Variants in WASHC4 observed in about 807,000 individuals in gnomAD.
The protein encoded by WASHC4 is WASH complex subunit 7.
In WASHC4, 86 loss-of-function variants were observed where a neutral mutation model predicts 166.6. That is an observed-to-expected ratio of 0.52 (90% CI 0.43 to 0.62). WASHC4 has a LOEUF of 0.62. WASHC4 is among the 20% of genes least tolerant of loss of function. The pLI is 0.00. For missense variants in WASHC4, 1,262 were observed against 1,382.4 expected, an observed-to-expected ratio of 0.91 and a Z score of 1.38; for synonymous variants, 446 against 451.6, an observed-to-expected ratio of 0.99 and a Z score of 0.16.
intron 2 of WASHC4, 132 bp from the exon 3 acceptor site, chr12:105,114,084 T>TG: frequency 1.4e-6 from 1 of 733,294 alleles, no homozygotes; most frequent in Non-Finnish European, 2.3e-6. Flanking sequence ...ATGAAGTAGT[T>TG]GATATGGTGC....
intron 10 of WASHC4, 67 bp from the exon 11 acceptor site, chr12:105,125,937 T>A: frequency 6.9e-7 from 1 of 1,451,942 alleles, no homozygotes; most frequent in Non-Finnish European, 9.6e-7. Flanking sequence ...ATTTAGTGTA[T>A]GATATTTAAA....
chr12:105,125,989 A>T lies in WASHC4; in HGVS notation c.787-15A>T. The T allele has an allele frequency of 6.2e-7, 1 of 1,609,758 alleles. No homozygotes were observed. The highest frequency in any genetic ancestry group is 8.5e-7 in the Non-Finnish European group (1 of 1,176,832). ...ATTGAGAGTCTGAATTTCTCTTTCA[A>T]TGTTTCCTGTCTAGGCCTGTATAGA... On this transcript the variant is annotated splice_polypyrimidine_tract_variant and intron_variant, in intron 10 of 32. Transcript: ENST00000332180.
chr12:105,119,417 C>G (rs926225816), intron 7 of WASHC4, among the ~76,000 whole-genome samples: 1 of 152,138 alleles, frequency 6.6e-6, no homozygotes, highest in African/African-American at 2.4e-5. Context: ...GAAGAGATAA[C>G]TGATACCTGG....
chr12:105,162,916 T>G, intron 30 of WASHC4, 71 bp downstream of exon 30: 1 of 776,172 alleles, frequency 1.3e-6, no homozygotes, highest in Non-Finnish European at 2.2e-6. Flanking sequence ...AAACATCTGC[T>G]TGAGAATAGG....
chr12:105,118,807 T>G (rs1323928004), intron 7 of WASHC4, among the ~76,000 whole-genome samples: 1 of 152,176 alleles, frequency 6.6e-6, no homozygotes, highest in Non-Finnish European at 1.5e-5. Context: ...GTACATGTTC[T>G]GTGTTCTCTC....
intron 8 of WASHC4, among the ~76,000 whole-genome samples, 195 bp downstream of exon 8, chr12:105,120,792 T>G (rs982494662): frequency 2.6e-5 from 4 of 152,196 alleles, no homozygotes; most frequent in Admixed American, 6.5e-5. Flanking sequence ...ATTATCAGTG[T>G]AACTTAGTTT....
chr12:105,129,863 C>T (rs757911777), intron 13 of WASHC4, among the ~76,000 whole-genome samples: 19 of 152,230 alleles, frequency 1.2e-4, no homozygotes, highest in Admixed American at 3.9e-4. Flanking sequence ...AACTCTATGG[C>T]AGGCATTATG....
In WASHC4 at chr12:105,110,600, A is replaced by G. The variant is rs774657238; in HGVS notation, c.62-525A>G. ...CAAATATCTTGGTTAAATTTTAGAC[A>G]TTATAGAAATAATATGCTCAAGCAG... On this transcript the variant is annotated intron_variant, in intron 1 of 32. Transcript: ENST00000332180. Among the ~76,000 whole-genome samples, 8 of 152,226 alleles carry G rather than the reference A, an allele frequency of 5.3e-5. 1 individual carries two copies. The highest frequency in any genetic ancestry group is 8.8e-5 in the Non-Finnish European group (6 of 68,022).
In WASHC4 at chr12:105,143,166, A is replaced by G. The variant is rs1883010367; in HGVS notation, c.1933A>G (p.Met645Val). ...SALRDCVPAM[M>V]HARHLESYEI... ...TTTGCGCGACTGTGTACCTGCTATG[A>G]TGCATGCAAGGCATTTAGAGTCCTA... The change falls in exon 20 of 33, where the codon ATG becomes GTG. Residue 645 changes from methionine (M) to valine (V), a missense_variant. By Grantham distance (21) the Met-to-Val change is conservative. Transcript: ENST00000332180. 3 of 1,611,722 alleles carry G rather than the reference A, an allele frequency of 1.9e-6. No individual in the cohort carries two copies. Among genetic ancestry groups the G allele is most frequent in the Non-Finnish European group, 2.5e-6 (3 of 1,178,278 alleles).
At position 105,114,380 on chromosome 12, in the gene WASHC4, A is replaced by G; in HGVS notation, c.274A>G (p.Thr92Ala). ...AAACTAGGTCTTAAACAAAGTCATC[A>G]CTGTTTATGCTGCACTTTGTTGTGA... ...TENKVLNKVI[T>A]VYAALCCEIK... is the part of the protein sequence containing the mutation. The change falls in exon 4 of 33, where the codon ACT (threonine) becomes GCT (alanine). Residue 92 changes from threonine to alanine, a missense_variant. By Grantham distance (58) the Thr-to-Ala change is moderately conservative. Coordinates refer to ENST00000332180, the MANE Select transcript of WASHC4 (RefSeq NM_015275.3). 1 of 1,599,456 alleles carries G rather than the reference A, an allele frequency of 6.3e-7. No homozygotes were observed. The highest frequency in any genetic ancestry group is 8.5e-7 in the Non-Finnish European group (1 of 1,171,178).
Position 105,118,520 on chromosome 12 carries a change from C to T in WASHC4, c.510C>T (p.Ile170=), listed in dbSNP as rs374842566. The change falls in exon 7 of 33, where the codon ATC becomes ATT. Residue 170 remains isoleucine (I), a synonymous_variant. Coordinates refer to ENST00000332180, the MANE Select transcript of WASHC4 (RefSeq NM_015275.3). The stretch of plus-strand genomic sequence containing the variant: ...TCCACCAGTTGGCTGCCCTCTATAT[C>T]AGTAACAAGTAATGGATTTTAGAAA... ...NVVHQLAALY[I]SNKIAPKIIE... 1.3e-6 allele frequency: 2 copies of T among 1,591,016 alleles called. No homozygotes were observed. Among genetic ancestry groups the T allele is most frequent in the East Asian group, 4.5e-5 (2 of 44,756 alleles).
At chr12:105,126,473 T>C in intron 12 of WASHC4, 111 bp downstream of exon 12, 2 of 877,584 alleles carry the variant, frequency 2.3e-6, no homozygotes. Flanking sequence ...TTTAAAAGTA[T>C]TCACTTGTAA....
chr12:105,168,067 TACAA>T lies in WASHC4; in HGVS notation c.*1140_*1143del, dbSNP rs1163041726. ...AAGACAAAAGTTTAAAACTTTCTAA[TACAA>T]ACACCATTTTGGGAAATGCTTGATT... On this transcript the variant is annotated 3_prime_UTR_variant, in exon 33 of 33. Coordinates refer to ENST00000332180, the MANE Select transcript of WASHC4 (RefSeq NM_015275.3). The T allele has an allele frequency of 1.3e-5, 2 of 152,260 alleles. No homozygotes were observed. The highest frequency in any genetic ancestry group is 3.9e-4 in the East Asian group (2 of 5,190). 9.4% of individuals were successfully genotyped at this position (152,260 alleles called of 1,614,324 possible). A position where few individuals can be genotyped will look rare whatever the true frequency, so the allele number is the denominator to read the frequency against.
intron 25 of WASHC4, among the ~76,000 whole-genome samples, chr12:105,151,361 A>G (rs568068702): frequency 2.0e-4 from 31 of 152,228 alleles, no homozygotes; most frequent in African/African-American, 7.0e-4. Context: ...AGATACACCT[A>G]TTTCCAGTTC....
At position 105,156,767 on chromosome 12, in the gene WASHC4, C is replaced by G. The variant is rs1318886971; in HGVS notation, c.2800C>G (p.Leu934Val). The G allele has an allele frequency of 6.2e-7, 1 of 1,612,556 alleles. No individual in the cohort carries two copies. Among genetic ancestry groups the G allele is most frequent in the Admixed American group, 1.7e-5 (1 of 59,988 alleles). ...TGTACGAATGATAAGATCTGGTGGT[C>G]TTCATTGTAGCAGCAATGCCATTAG... The part of the protein sequence containing the change: ...GYVRMIRSGG[L>V]HCSSNAIRFV... Residue 934 changes from leucine to valine, a missense_variant, in exon 27 of 33, where the codon CTT (leucine) becomes GTT (valine). Coordinates refer to ENST00000332180, the MANE Select transcript of WASHC4 (RefSeq NM_015275.3).
rs771196503 is a variant in WASHC4 at position 105,148,955 on chromosome 12, G to T, written c.2515-660G>T. 1.6e-4 allele frequency: 154 copies of T among 984,810 alleles called. 1 individual carries two copies. Among genetic ancestry groups the T allele is most frequent in the South Asian group, 2.3e-4 (5 of 21,290 alleles). The allele number at this position is 984,810 out of a possible 1,614,324, so 61.0% of individuals were successfully genotyped here. On this transcript the variant is annotated intron_variant, in intron 24 of 32. Coordinates refer to ENST00000332180, the MANE Select transcript of WASHC4 (RefSeq NM_015275.3). ...GGATTTTCTGAGTCAAGGGCTTTTT[G>T]TTATTTATTGTCAAAGCACACATGT... is the stretch of plus-strand genomic sequence containing the variant.
rs1882818371 is a variant in WASHC4 at position 105,141,213 on chromosome 12, A to G, written c.1754A>G (p.Lys585Arg). 1 of 1,612,926 alleles carries G rather than the reference A, an allele frequency of 6.2e-7. No homozygotes were observed. The highest frequency in any genetic ancestry group is 1.3e-5 in the African/African-American group (1 of 75,030). Reference sequence around the variant, plus strand: ...CTCTTTCCACTTCAAGTAGTCATGAAAAAACTGGATCTTATTAGTGAACTT... The same window carrying G: ...CTCTTTCCACTTCAAGTAGTCATGAGAAAACTGGATCTTATTAGTGAACTT... ...EELFPLQVVMKKLDLISELRE... is the reference protein window; with the variant it reads ...EELFPLQVVMRKLDLISELRE... The change falls in exon 18 of 33, where the codon AAA becomes AGA. Residue 585 changes from lysine (K) to arginine (R), a missense_variant. Lys to Arg is a conservative substitution (Grantham distance 26, BLOSUM62 2). Coordinates refer to ENST00000332180, the MANE Select transcript of WASHC4 (RefSeq NM_015275.3).
chr12:105,132,118 A>AGG (rs1171440599), intron 13 of WASHC4, among the ~76,000 whole-genome samples: 8 of 152,246 alleles, frequency 5.3e-5, no homozygotes, highest in Admixed American at 2.0e-4. Flanking sequence ...AAGAGTTGGT[A>AGG]GGGTCCGATT....
At chr12:105,156,257 T>C (rs373182814) in intron 26 of WASHC4, among the ~76,000 whole-genome samples, 1 of 152,148 alleles carries the variant, frequency 6.6e-6, no homozygotes, top group South Asian at 2.1e-4. Flanking sequence ...AAAATTCTTA[T>C]TAGACATAAA....
Sources: gnomAD v4.1 joint callset for allele counts (sites outside exome capture counted in the v4.1 genomes callset) on GRCh38, gnomAD v4.1.1 for gene constraint, MANE v1.5 for transcripts, NCBI Gene and HGNC (gene_info 2026-07-23, HGNC 2026-07-21) for gene names.